The following PIK3CB variants were observed in gnomAD, a reference collection of about 807,000 sequenced individuals.
PIK3CB encodes the protein phosphatidylinositol 4,5-bisphosphate 3-kinase catalytic subunit beta isoform.
In PIK3CB, 39 loss-of-function variants were observed where a neutral mutation model predicts 136.8. The ratio of observed to expected loss-of-function variants is 0.29; its 90% confidence interval spans 0.22 to 0.37. The LOEUF is 0.37. Ranked by LOEUF, PIK3CB falls within the 10% of genes least tolerant of loss-of-function variation. The pLI is 1.00. For missense variants in PIK3CB, 868 were observed against 1,275.4 expected, an observed-to-expected ratio of 0.68 and a Z score of 4.87; for synonymous variants, 428 against 436.6, an observed-to-expected ratio of 0.98 and a Z score of 0.25.
At chr3:138,822,877 T>TAA (rs961207740) in intron 1 of PIK3CB, among the ~76,000 whole-genome samples, 3 of 146,402 alleles carry the variant, frequency 2.0e-5, no homozygotes, top group African/African-American at 7.5e-5. Flanking sequence ...ATATATGAAA[T>TAA]ATATATATGA....
At chr3:138,680,252 C>T (rs1365814762) in intron 19 of PIK3CB, among the ~76,000 whole-genome samples, 3 of 150,784 alleles carry the variant, frequency 2.0e-5, no homozygotes, top group African/African-American at 4.9e-5. Flanking sequence ...CAGCTACTCG[C>T]GAGGCTGAGG....
intron 4 of PIK3CB, among the ~76,000 whole-genome samples, chr3:138,745,359 C>T (rs890072177): frequency 6.6e-6 from 1 of 152,190 alleles, no homozygotes; most frequent in African/African-American, 2.4e-5. Context: ...CAGTGGCTCA[C>T]ACCTATAATC....
intron 2 of PIK3CB, among the ~76,000 whole-genome samples, chr3:138,794,433 A>G (rs1235796493): frequency 6.6e-6 from 1 of 152,228 alleles, no homozygotes; most frequent in Non-Finnish European, 1.5e-5. Flanking sequence ...ATTGCTGAGC[A>G]ATAGTAAAGG....
intron 10 of PIK3CB, 168 bp from the exon 11 acceptor site, chr3:138,707,457 A>G: frequency 1.5e-6 from 2 of 1,356,330 alleles, no homozygotes; most frequent in Non-Finnish European, 9.4e-7. Context: ...AATGCTTGGA[A>G]CAAAATTTCA....
At chr3:138,832,555 C>T (rs1171949815) in intron 1 of PIK3CB, among the ~76,000 whole-genome samples, 1 of 151,874 alleles carries the variant, frequency 6.6e-6, no homozygotes, top group Admixed American at 6.6e-5. Context: ...GGGCCGGGCG[C>T]GGTGGCTTCC....
At chr3:138,714,164 A>G (rs2044561338) in intron 9 of PIK3CB, among the ~76,000 whole-genome samples, 1 of 152,216 alleles carries the variant, frequency 6.6e-6, no homozygotes. Context: ...TTCAAACATC[A>G]TCATTCTTCA....
At chr3:138,825,635 C>A in intron 1 of PIK3CB, 1 of 633,266 alleles carries the variant, frequency 1.6e-6, no homozygotes, top group Admixed American at 2.6e-5. Flanking sequence ...CTACTCGAAG[C>A]TCTGGACTGC....
chr3:138,655,646 A>C lies in PIK3CB; in HGVS notation c.3076-120T>G. The C allele has an allele frequency of 2.8e-6, 2 of 720,514 alleles. 1 individual carries two copies. Among genetic ancestry groups the C allele is most frequent in the Admixed American group, 4.6e-5 (2 of 43,902 alleles). The allele number at this position is 720,514 out of a possible 1,614,324, so 44.6% of individuals were successfully genotyped here. On this transcript the variant is annotated intron_variant, in intron 23 of 23. Transcript: ENST00000674063. ...CAGCCACCATCAGGCAGCATGCTTC[A>C]TGTTCTTATTTAAATATCATCTGCA...
rs987640769 is a variant in PIK3CB, at chr3:138,656,778, G to GT, written c.2943-505dup. On this transcript the variant is annotated intron_variant, in intron 22 of 23. Transcript: ENST00000674063. Reference sequence around the variant, plus strand: ...TGGTCCCTCAAGAAGATCATCCAATGTTTTTTTTTTGAGATGGAACCTTGC... The same window carrying GT: ...TGGTCCCTCAAGAAGATCATCCAATGTTTTTTTTTTTGAGATGGAACCTTGC... Among the ~76,000 whole-genome samples the GT allele has an allele frequency of 8.5e-4, 126 of 148,690 alleles. 1 individual carries two copies. The East Asian group carries it at 9.9e-3, about 12-fold the overall frequency.
At chr3:138,720,782 C>T (rs560697312) in intron 8 of PIK3CB, among the ~76,000 whole-genome samples, 1 of 152,134 alleles carries the variant, frequency 6.6e-6, no homozygotes, top group African/African-American at 2.4e-5. Flanking sequence ...GTGGGAGGAT[C>T]GCCTGAGCCC....
chr3:138,758,661 CG>C (rs2045615810), intron 3 of PIK3CB, among the ~76,000 whole-genome samples: 1 of 152,044 alleles, frequency 6.6e-6, no homozygotes, highest in African/African-American at 2.4e-5. Context: ...TTAAAAATAC[CG>C]TAACTCCTGA....
chr3:138,798,699 C>T (rs1027560065), intron 1 of PIK3CB, among the ~76,000 whole-genome samples: 2 of 152,006 alleles, frequency 1.3e-5, no homozygotes, highest in African/African-American at 4.8e-5. Flanking sequence ...ATGAATGAAC[C>T]AAAATAGGGC....
intron 1 of PIK3CB, among the ~76,000 whole-genome samples, chr3:138,812,538 T>C (rs1402393901): frequency 6.6e-6 from 1 of 151,382 alleles, no homozygotes; most frequent in Non-Finnish European, 1.5e-5. Flanking sequence ...CCTGGCTTTT[T>C]TTTTTTTGAG....
intron 19 of PIK3CB, among the ~76,000 whole-genome samples, chr3:138,669,969 T>TA (rs1003142108): frequency 4.6e-5 from 7 of 151,648 alleles, no homozygotes; most frequent in African/African-American, 7.3e-5. Flanking sequence ...GAAATGAACT[T>TA]AAAAAAAAAT....
chr3:138,802,963 C>G (rs1387118754), intron 1 of PIK3CB, among the ~76,000 whole-genome samples: 22 of 152,174 alleles, frequency 1.4e-4, no homozygotes, highest in Admixed American at 1.4e-3. Context: ...ATGGCCAACT[C>G]TTTAGCTAAA....
At chr3:138,697,523 C>T (rs780147905) in intron 13 of PIK3CB, among the ~76,000 whole-genome samples, 3 of 152,108 alleles carry the variant, frequency 2.0e-5, no homozygotes, top group Non-Finnish European at 4.4e-5. Context: ...GCAACCTCAG[C>T]CTCCCGGGCT....
intron 10 of PIK3CB, among the ~76,000 whole-genome samples, chr3:138,708,392 C>T (rs1039670206): frequency 6.6e-6 from 1 of 151,182 alleles, no homozygotes; most frequent in Non-Finnish European, 1.5e-5. Context: ...TCCTGAGTAG[C>T]TGGGACCACA....
chr3:138,798,339 A>G (rs1029691828), intron 1 of PIK3CB, among the ~76,000 whole-genome samples: 1 of 151,778 alleles, frequency 6.6e-6, no homozygotes, highest in South Asian at 2.1e-4. Flanking sequence ...TAATTTTTGT[A>G]TTTTTAGTAG....
Position 138,655,450 on chromosome 3 carries a change from T to A in PIK3CB, c.3152A>T (p.Glu1051Val), listed in dbSNP as rs1480962969. ...FKQKFDEALR[E>V]SWTTKVNWMA... Reference sequence around the variant, plus strand: ...CCAGTTCACTTTAGTAGTCCAGCTTTCCCTGAGCGCCTCATCAAATTTTTG... The same window carrying A: ...CCAGTTCACTTTAGTAGTCCAGCTTACCCTGAGCGCCTCATCAAATTTTTG... Residue 1051 changes from glutamate (E) to valine (V), a missense_variant, in exon 24 of 24, where the codon GAA becomes GTA. Around this residue, in one of 4 missense-constraint regions of PIK3CB, gnomAD observed 88 missense variants for 147.8 expected, o/e 0.60. Transcript: ENST00000674063. The A allele has an allele frequency of 6.2e-7, 1 of 1,613,972 alleles. No individual in the cohort carries two copies. The highest frequency in any genetic ancestry group is 2.2e-5 in the East Asian group (1 of 44,884).
Sources: gnomAD v4.1 joint callset for allele counts (sites outside exome capture counted in the v4.1 genomes callset) on GRCh38, gnomAD v4.1.1 for gene constraint, gnomAD v4.1.1 regional missense constraint, MANE v1.5 for transcripts, NCBI Gene and HGNC (gene_info 2026-07-23, HGNC 2026-07-21) for gene names.